Variants in EPHB1 observed in about 807,000 individuals in gnomAD.
The protein encoded by EPHB1 is ephrin type-B receptor 1.
EPHB1 carries 30 observed loss-of-function variants against 94.4 expected under a neutral mutation model. That is an observed-to-expected ratio of 0.32 (90% CI 0.24 to 0.43). The LOEUF is 0.43. EPHB1 is among the 20% of genes least tolerant of loss of function. The pLI is 1.00. For missense variants in EPHB1, 1,055 were observed against 1,308.3 expected (o/e 0.81, Z 2.99); for synonymous variants, 522 against 489.1 (o/e 1.07, Z -0.89).
intron 3 of EPHB1, among the ~76,000 whole-genome samples, chr3:135,014,759 G>T (rs113015967): frequency 0.013 from 1,993 of 152,258 alleles, 44 homozygotes; most frequent in African/African-American, 0.045. Context: ...CAATTTCCCT[G>T]CAGGCCTTAG....
intron 1 of EPHB1, among the ~76,000 whole-genome samples, chr3:134,871,442 GC>G (rs1229830190): frequency 6.6e-6 from 1 of 152,132 alleles, no homozygotes; most frequent in Non-Finnish European, 1.5e-5. Flanking sequence ...AGAACTGCAA[GC>G]TCTGGAGCTC....
chr3:134,912,384 A>T (rs2038472383), intron 1 of EPHB1, among the ~76,000 whole-genome samples: 1 of 152,080 alleles, frequency 6.6e-6, no homozygotes, highest in Admixed American at 6.5e-5. Flanking sequence ...TAGGTCTTTG[A>T]CTCTCACCAC....
At chr3:134,800,915 G>A (rs552689845) in intron 1 of EPHB1, among the ~76,000 whole-genome samples, 7 of 152,328 alleles carry the variant, frequency 4.6e-5, no homozygotes, top group African/African-American at 1.7e-4. Context: ...AGGTCACACA[G>A]CTAGTAAGTG....
At chr3:134,848,030 GTA>G (rs2036909218) in intron 1 of EPHB1, among the ~76,000 whole-genome samples, 1 of 152,120 alleles carries the variant, frequency 6.6e-6, no homozygotes, top group African/African-American at 2.4e-5. Context: ...GGGCATTTTT[GTA>G]TTTTCTGATG....
At chr3:135,032,547 G>A (rs1358812526) in intron 3 of EPHB1, among the ~76,000 whole-genome samples, 1 of 152,034 alleles carries the variant, frequency 6.6e-6, no homozygotes, top group Non-Finnish European at 1.5e-5. Context: ...TTAAAAAATT[G>A]TATCTGAGCA....
chr3:134,875,168 C>T (rs563420137), intron 1 of EPHB1, among the ~76,000 whole-genome samples: 9 of 152,302 alleles, frequency 5.9e-5, no homozygotes, highest in Non-Finnish European at 1.2e-4. Flanking sequence ...TTGTTGTGCA[C>T]GGCAAGGAAG....
chr3:135,175,154 C>T (rs1378113388), intron 9 of EPHB1, among the ~76,000 whole-genome samples: 2 of 152,208 alleles, frequency 1.3e-5, no homozygotes, highest in Admixed American at 6.5e-5. Context: ...TCTGCTCTTC[C>T]CTGAGACCCT....
chr3:135,124,009 T>C lies in EPHB1; in HGVS notation c.962-8705T>C, dbSNP rs1940091861. Among the ~76,000 whole-genome samples, 2 of 151,700 alleles carry C rather than the reference T, an allele frequency of 1.3e-5. 1 individual carries two copies. Among genetic ancestry groups the C allele is most frequent in the African/African-American group, 4.9e-5 (2 of 40,996 alleles). ...CCTTACAGTAACACCTCATTTACAG[T>C]AAAATTCCTGGCAGGCTGAAACCAG... On this transcript the variant is annotated intron_variant, in intron 4 of 15. Coordinates refer to ENST00000398015, the MANE Select transcript of EPHB1 (RefSeq NM_004441.5).
intron 5 of EPHB1, among the ~76,000 whole-genome samples, chr3:135,142,074 G>T (rs1940848999): frequency 2.6e-5 from 4 of 152,228 alleles, no homozygotes; most frequent in Admixed American, 1.3e-4. Context: ...TGGAGAGTTT[G>T]AGTACTCAAA....
At chr3:134,860,694 T>C (rs971829804) in intron 1 of EPHB1, among the ~76,000 whole-genome samples, 1 of 146,790 alleles carries the variant, frequency 6.8e-6, no homozygotes, top group African/African-American at 2.5e-5. Context: ...GTGCCTGTAG[T>C]CCCAGCTACT....
chr3:135,207,442 C>G (rs1270817535), intron 12 of EPHB1, among the ~76,000 whole-genome samples: 1 of 12,208 alleles, frequency 8.2e-5, no homozygotes, highest in Non-Finnish European at 5.6e-3. Flanking sequence ...CATTAGGCCA[C>G]AAGCTGGGGA....
At chr3:135,205,341 C>T (rs2107714369) in intron 12 of EPHB1, among the ~76,000 whole-genome samples, 1 of 152,232 alleles carries the variant, frequency 6.6e-6, no homozygotes, top group African/African-American at 2.4e-5. Context: ...ATATTACAGA[C>T]ATTACTCCTT....
chr3:134,893,952 C>T (rs1277455367), intron 1 of EPHB1, among the ~76,000 whole-genome samples: 1 of 152,198 alleles, frequency 6.6e-6, no homozygotes, highest in Non-Finnish European at 1.5e-5. Flanking sequence ...GGAATGAATG[C>T]CAAAGACAAC....
In EPHB1 at chr3:135,249,438, C is replaced by G. The variant is rs199952206; in HGVS notation, c.2793C>G (p.Ser931Arg). ...SAIKMVQYRD[S>R]FLTAGFTSLQ... ...TCAAAATGGTCCAGTACAGGGACAGCTTCCTCACTGCTGGCTTCACCTCCC... is the reference window on the plus strand; with the variant it reads ...TCAAAATGGTCCAGTACAGGGACAGGTTCCTCACTGCTGGCTTCACCTCCC... The change falls in exon 15 of 16, where the codon AGC (serine) becomes AGG (arginine). Residue 931 changes from serine to arginine, a missense_variant. Transcript: ENST00000398015. The G allele has an allele frequency of 7.7e-5, 125 of 1,614,038 alleles. No individual in the cohort carries two copies. In the Admixed American group the frequency reaches 2.1e-3, roughly 27 times the overall value.
chr3:135,192,939 G>C lies in EPHB1; in HGVS notation c.2130+116G>C, dbSNP rs1340653570. ...GGAATCGCCTGATCCAGTGTGAATGGGCATTGGAGATGTTAGCAGAGATTT... is the reference window on the plus strand; with the variant it reads ...GGAATCGCCTGATCCAGTGTGAATGCGCATTGGAGATGTTAGCAGAGATTT... On this transcript the variant is annotated intron_variant, in intron 11 of 15. Transcript: ENST00000398015. 3 of 1,346,428 alleles carry C rather than the reference G, an allele frequency of 2.2e-6. No homozygotes were observed. In the African/African-American group the frequency reaches 4.3e-5, roughly 19 times the overall value. 83.4% of individuals were successfully genotyped at this position (1,346,428 alleles called of 1,614,324 possible). A position where few individuals can be genotyped will look rare whatever the true frequency, so the allele number is the denominator to read the frequency against.
At chr3:134,912,069 C>T (rs1263087502) in intron 1 of EPHB1, among the ~76,000 whole-genome samples, 1 of 152,190 alleles carries the variant, frequency 6.6e-6, no homozygotes, top group African/African-American at 2.4e-5. Flanking sequence ...CCTGGGCCAC[C>T]ATCCATCGCC....
At chr3:134,986,744 A>ACACACACACT (rs1553718460) in intron 3 of EPHB1, among the ~76,000 whole-genome samples, 1 of 151,066 alleles carries the variant, frequency 6.6e-6, no homozygotes, top group South Asian at 2.1e-4. Context: ...ACACACACAC[A>ACACACACACT]TCCCAAACAA....
chr3:134,883,156 A>G (rs1231414073), intron 1 of EPHB1, among the ~76,000 whole-genome samples: 3 of 152,314 alleles, frequency 2.0e-5, no homozygotes, highest in African/African-American at 7.2e-5. Flanking sequence ...GAATGGGAAT[A>G]TGAAAGGTCC....
chr3:134,839,814 A>G (rs78380388), intron 1 of EPHB1, among the ~76,000 whole-genome samples: 7,780 of 152,154 alleles, frequency 0.051, 575 homozygotes, highest in African/African-American at 0.16. Context: ...GGAGTGGAAA[A>G]GTTTCTAGGT....
Sources: gnomAD v4.1 joint callset for allele counts (sites outside exome capture counted in the v4.1 genomes callset) on GRCh38, gnomAD v4.1.1 for gene constraint, MANE v1.5 for transcripts, NCBI Gene and HGNC (gene_info 2026-07-23, HGNC 2026-07-21) for gene names.